EDIL3: variants seen among roughly 807,000 people sequenced by gnomAD.
EDIL3 encodes the protein EGF-like repeat and discoidin I-like domain-containing protein 3.
A neutral mutation model predicts 67.4 loss-of-function variants in EDIL3; 37 were observed. The observed-to-expected ratio is 0.55, with a 90% CI of 0.42 to 0.72. EDIL3 has a LOEUF of 0.72. Ranked by LOEUF, EDIL3 falls within the 30% of genes least tolerant of loss-of-function variation. The probability of loss-of-function intolerance (pLI) is 0.00; values close to 1 mark genes in which losing one functional copy is unlikely to be tolerated. For synonymous variants in EDIL3, 195 were observed against 196.3 expected (o/e 0.99, Z 0.05); for missense variants, 527 against 586.3 (o/e 0.90, Z 1.04).
chr5:84,188,349 A>G (rs1208045248), intron 3 of EDIL3, among the ~76,000 whole-genome samples: 1 of 151,986 alleles, frequency 6.6e-6, no homozygotes, highest in African/African-American at 2.4e-5. Context: ...GGCTCCAGGA[A>G]AAAGTCCTTC....
At chr5:84,369,364 C>T (rs1160089212) in intron 1 of EDIL3, among the ~76,000 whole-genome samples, 1 of 151,920 alleles carries the variant, frequency 6.6e-6, no homozygotes, top group Non-Finnish European at 1.5e-5. Flanking sequence ...ACAACATACA[C>T]ATACATACAT....
intron 6 of EDIL3, among the ~76,000 whole-genome samples, chr5:84,071,285 T>C (rs924818288): frequency 6.6e-6 from 1 of 152,216 alleles, no homozygotes; most frequent in African/African-American, 2.4e-5. Context: ...AGCTGGGACA[T>C]GAATTTTACC....
rs548284912 is a variant in EDIL3 at position 84,326,763 on chromosome 5, T to G, written c.67+57545A>C. 3.4e-4 allele frequency among the ~76,000 whole-genome samples: 52 copies of G among 152,112 alleles called. 1 individual carries two copies. Among genetic ancestry groups the G allele is most frequent in the Admixed American group, 3.1e-3 (48 of 15,248 alleles). On this transcript the variant is annotated intron_variant, in intron 1 of 10. Coordinates refer to ENST00000296591, the MANE Select transcript of EDIL3 (RefSeq NM_005711.5). ...CAAATCTTTCATCATTTCTATACACTATTTCAGCTACTTTTATCTTTAATA... is the reference window on the plus strand; with the variant it reads ...CAAATCTTTCATCATTTCTATACACGATTTCAGCTACTTTTATCTTTAATA...
intron 9 of EDIL3, among the ~76,000 whole-genome samples, chr5:84,010,152 G>A (rs1460205303): frequency 6.6e-6 from 1 of 152,194 alleles, no homozygotes; most frequent in African/African-American, 2.4e-5. Flanking sequence ...TCAGGCTTGT[G>A]TTTGGGGTTG....
intron 9 of EDIL3, among the ~76,000 whole-genome samples, chr5:83,975,785 A>C (rs187659843): frequency 2.6e-5 from 4 of 152,074 alleles, no homozygotes; most frequent in African/African-American, 9.6e-5. Flanking sequence ...TTAGAATGAC[A>C]CTAAAAGTAT....
At chr5:84,082,344 C>T (rs1746986017) in intron 6 of EDIL3, among the ~76,000 whole-genome samples, 2 of 152,188 alleles carry the variant, frequency 1.3e-5, no homozygotes, top group South Asian at 4.1e-4. Context: ...AAACAGAAAA[C>T]TGTGATGTTC....
At chr5:84,340,688 C>T (rs1182470189) in intron 1 of EDIL3, among the ~76,000 whole-genome samples, 1 of 150,966 alleles carries the variant, frequency 6.6e-6, no homozygotes, top group African/African-American at 2.4e-5. Flanking sequence ...TGCATTGTTC[C>T]CTCACACCTG....
chr5:84,242,013 G>A (rs1295269923), intron 2 of EDIL3, among the ~76,000 whole-genome samples: 2 of 145,576 alleles, frequency 1.4e-5, no homozygotes, highest in Non-Finnish European at 3.0e-5. Context: ...GAAGTCAGGA[G>A]ATCGAGACCA....
chr5:84,121,805 C>A (rs963626787), intron 5 of EDIL3, among the ~76,000 whole-genome samples: 2 of 152,030 alleles, frequency 1.3e-5, no homozygotes, highest in African/African-American at 4.8e-5. Flanking sequence ...TACAAAAAGA[C>A]TCTAAGCATA....
intron 5 of EDIL3, among the ~76,000 whole-genome samples, chr5:84,117,173 G>T (rs1395165093): frequency 1.3e-5 from 2 of 151,598 alleles, no homozygotes; most frequent in African/African-American, 4.8e-5. Flanking sequence ...GACTACAGGC[G>T]CCCACCATCA....
At chr5:83,947,339 A>G (rs1744326975) in intron 10 of EDIL3, among the ~76,000 whole-genome samples, 1 of 148,410 alleles carries the variant, frequency 6.7e-6, no homozygotes, top group Admixed American at 6.8e-5. Context: ...CCATTTTCCT[A>G]GGGCAGCATG....
chr5:84,102,085 T>C (rs1272359542), intron 6 of EDIL3, among the ~76,000 whole-genome samples: 1 of 152,042 alleles, frequency 6.6e-6, no homozygotes, highest in East Asian at 1.9e-4. Flanking sequence ...ATCATCTCAA[T>C]AGATTCAGAA....
At chr5:84,160,505 C>T (rs189290547) in intron 4 of EDIL3, among the ~76,000 whole-genome samples, 4 of 152,090 alleles carry the variant, frequency 2.6e-5, no homozygotes, top group East Asian at 1.9e-4. Flanking sequence ...GGAATATTAA[C>T]GACATTAAAA....
At chr5:84,132,458 G>T (rs856438) in intron 5 of EDIL3, among the ~76,000 whole-genome samples, 8 of 4,384 alleles carry the variant, frequency 1.8e-3, no homozygotes, top group African/African-American at 4.0e-3. Context: ...CATATATTAT[G>T]TATTTTATAT....
chr5:84,051,837 T>A (rs1389329314), intron 9 of EDIL3, among the ~76,000 whole-genome samples: 1 of 152,188 alleles, frequency 6.6e-6, no homozygotes, highest in African/African-American at 2.4e-5. Flanking sequence ...GTCTGATTGG[T>A]GTACCTGAAA....
intron 1 of EDIL3, among the ~76,000 whole-genome samples, chr5:84,309,309 C>CTTTTTTTTTTTTTTTTTTT (rs1746333742): frequency 4.0e-5 from 4 of 100,790 alleles, no homozygotes; most frequent in Non-Finnish European, 6.5e-5. Flanking sequence ...CTTTTTTTTT[C>CTTTTTTTTTTTTTTTTTTT]TTTGTTTTTT....
chr5:84,373,494 C>A (rs1053887245), intron 1 of EDIL3, among the ~76,000 whole-genome samples: 1 of 152,110 alleles, frequency 6.6e-6, no homozygotes, highest in African/African-American at 2.4e-5. Context: ...ACCTTTCAGC[C>A]CTTCCAGGAT....
At chr5:84,310,775 G>A (rs1229278061) in intron 1 of EDIL3, among the ~76,000 whole-genome samples, 6 of 152,080 alleles carry the variant, frequency 3.9e-5, no homozygotes, top group Admixed American at 1.3e-4. Context: ...CACAAGTCAC[G>A]CGTATGGAGC....
intron 9 of EDIL3, among the ~76,000 whole-genome samples, chr5:84,004,162 T>A (rs1745376432): frequency 6.6e-6 from 1 of 152,084 alleles, no homozygotes; most frequent in African/African-American, 2.4e-5. Context: ...CACTGGAGTA[T>A]CTTAATTAGT....
Sources: allele counts gnomAD v4.1 joint callset (sites outside exome capture counted in the v4.1 genomes callset), GRCh38; gene constraint gnomAD v4.1.1; transcripts MANE v1.5; gene names NCBI Gene and HGNC (gene_info 2026-07-23, HGNC 2026-07-21).